Variants in CCDC146 observed in about 807,000 individuals in gnomAD.
CCDC146 encodes the protein coiled-coil domain containing 146.
Under a neutral mutation model 119.3 loss-of-function variants are expected in CCDC146, and 92 were observed. The observed-to-expected ratio is 0.77, with a 90% CI of 0.65 to 0.92. The LOEUF (loss-of-function observed/expected upper bound fraction) is 0.92. Among genes scored for constraint, CCDC146 ranks in the 40% least tolerant of loss-of-function variants. The pLI is 0.00. For synonymous variants in CCDC146, 372 were observed against 371.8 expected (o/e 1.00, Z -0.01); for missense variants, 1,000 against 1,103.0 (o/e 0.91, Z 1.32).
At chr7:77,278,712 A>G (rs201370365) in intron 11 of CCDC146, 40 bp from the exon 12 acceptor site, 31 of 1,369,182 alleles carry the variant, frequency 2.3e-5, no homozygotes, top group Non-Finnish European at 3.2e-5. Context: ...GGGAGTGTTC[A>G]TATGTTGTTA....
intron 1 of CCDC146, among the ~76,000 whole-genome samples, chr7:77,145,158 T>C (rs1790995476): frequency 6.6e-6 from 1 of 151,866 alleles, no homozygotes; most frequent in Admixed American, 6.6e-5. Context: ...AGGGTGTATG[T>C]GTCCAGGAAT....
intron 3 of CCDC146, among the ~76,000 whole-genome samples, chr7:77,238,639 A>T (rs1262177207): frequency 6.6e-6 from 1 of 152,118 alleles, no homozygotes; most frequent in Non-Finnish European, 1.5e-5. Flanking sequence ...GGATGGTCTC[A>T]ATCTCCTGAC....
At chr7:77,281,983 T>C (rs1793772262) in intron 14 of CCDC146, among the ~76,000 whole-genome samples, 1 of 152,232 alleles carries the variant, frequency 6.6e-6, no homozygotes, top group African/African-American at 2.4e-5. Flanking sequence ...AGAACATTCT[T>C]ACTTTGTTTC....
chr7:77,218,646 G>A (rs1792343215), intron 2 of CCDC146, among the ~76,000 whole-genome samples: 1 of 143,620 alleles, frequency 7.0e-6, no homozygotes, highest in African/African-American at 2.6e-5. Context: ...GTCTCACTCT[G>A]TCACCCAGGT....
intron 9 of CCDC146, among the ~76,000 whole-genome samples, chr7:77,269,022 C>A (rs1187397019): frequency 6.6e-6 from 1 of 152,266 alleles, no homozygotes; most frequent in South Asian, 2.1e-4. Context: ...AAGTATATGT[C>A]CTTCCAAAGT....
chr7:77,196,266 T>C lies in CCDC146; in HGVS notation c.156+28442T>C. 1.3e-6 allele frequency: 2 copies of C among 1,593,458 alleles called. No homozygotes were observed. The highest frequency in any genetic ancestry group is 1.7e-6 in the Non-Finnish European group (2 of 1,164,588). On this transcript the variant is annotated intron_variant, in intron 2 of 18. Transcript: ENST00000285871. This position sits in a 1 kb window ranked among gnomAD's most constrained non-coding sequence, Gnocchi z 4.2. ...ATTAGATAACGAATACCTGGAGGAA[T>C]GAACAGAGTGATTTATGGCTTAAAG...
At chr7:77,250,973 T>TTGTGTGTGTGTGTG (rs58026945) in intron 4 of CCDC146, among the ~76,000 whole-genome samples, 5 of 114,646 alleles carry the variant, frequency 4.4e-5, no homozygotes, top group Admixed American at 9.3e-5. Flanking sequence ...TCTCTGGTAT[T>TTGTGTGTGTGTGTG]TGTGTGTGTG....
chr7:77,260,347 T>C (rs1793269219), intron 8 of CCDC146, 111 bp downstream of exon 8: 1 of 742,100 alleles, frequency 1.3e-6, no homozygotes, highest in Admixed American at 3.3e-5. Flanking sequence ...TTAAAAATAA[T>C]TTTAAATCAA....
chr7:77,134,084 G>A (rs928611037), intron 1 of CCDC146, among the ~76,000 whole-genome samples: 1 of 152,088 alleles, frequency 6.6e-6, no homozygotes, highest in African/African-American at 2.4e-5. Flanking sequence ...TCTTTACTGG[G>A]GGATTTTGCA....
At chr7:77,152,858 G>T (rs948923259) in intron 1 of CCDC146, among the ~76,000 whole-genome samples, 1 of 152,184 alleles carries the variant, frequency 6.6e-6, no homozygotes, top group Non-Finnish European at 1.5e-5. Context: ...ACAAGGCACT[G>T]GTGGGAGGAA....
chr7:77,247,454 A>G (rs1451873031), intron 4 of CCDC146, among the ~76,000 whole-genome samples: 3 of 152,352 alleles, frequency 2.0e-5, no homozygotes, highest in African/African-American at 4.8e-5. Context: ...GTAAAATACC[A>G]CTAATGTATA....
At chr7:77,140,146 C>T (rs1393041965) in intron 1 of CCDC146, among the ~76,000 whole-genome samples, 4 of 151,810 alleles carry the variant, frequency 2.6e-5, no homozygotes, top group African/African-American at 9.7e-5. Flanking sequence ...CCGCCTGCCT[C>T]GGCCTCCCAA....
intron 2 of CCDC146, among the ~76,000 whole-genome samples, chr7:77,186,338 A>C (rs1453891951): frequency 6.6e-6 from 1 of 152,174 alleles, no homozygotes; most frequent in Admixed American, 6.6e-5. Flanking sequence ...ATCATTTGCA[A>C]CAACATGGAT....
chr7:77,260,071 AG>A lies in CCDC146; in HGVS notation c.822del (p.Val276LeufsTer8). 2.5e-6 allele frequency: 4 copies of A among 1,613,998 alleles called. No homozygotes were observed. Among genetic ancestry groups the A allele is most frequent in the Non-Finnish European group, 3.4e-6 (4 of 1,180,020 alleles). ...GTCAAAACGCTAAATGACTCCCTAAAGAAAGTTGAAAACAAGGTTAGTGCTA... is the reference window on the plus strand; with the variant it reads ...GTCAAAACGCTAAATGACTCCCTAAAAAAGTTGAAAACAAGGTTAGTGCTA... ...QEVKTLNDSL[K>X]KVENKVSAIV... is the part of the protein sequence containing the mutation. On this transcript the variant is annotated frameshift_variant, in exon 8 of 19. Coordinates refer to ENST00000285871, the MANE Select transcript of CCDC146 (RefSeq NM_020879.3). LOFTEE classifies it high-confidence loss of function.
intron 2 of CCDC146, among the ~76,000 whole-genome samples, chr7:77,187,806 A>G (rs1189020857): frequency 2.6e-5 from 4 of 152,204 alleles, no homozygotes; most frequent in African/African-American, 9.6e-5. Flanking sequence ...CTAAAATTAA[A>G]TAGATTAAAA....
intron 11 of CCDC146, among the ~76,000 whole-genome samples, chr7:77,278,148 A>C (rs1028539303): frequency 6.6e-6 from 1 of 152,082 alleles, no homozygotes; most frequent in Non-Finnish European, 1.5e-5. Context: ...ACTCACCAAA[A>C]CTTACTAGGA....
chr7:77,150,747 T>A (rs1584026798), intron 1 of CCDC146, among the ~76,000 whole-genome samples: 1 of 152,344 alleles, frequency 6.6e-6, no homozygotes, highest in East Asian at 1.9e-4. Context: ...CATGAAGACT[T>A]GTACTCAAAT....
rs2150554478 is a variant in CCDC146, at chr7:77,287,843, G to A, written c.2415+266G>A. 2.6e-5 allele frequency among the ~76,000 whole-genome samples: 4 copies of A among 152,304 alleles called. 1 individual carries two copies. The South Asian group carries it at 8.3e-4, about 32-fold the overall frequency. On this transcript the variant is annotated intron_variant, in intron 17 of 18. Transcript: ENST00000285871. Reference sequence around the variant, plus strand: ...CTTACCAAGGCAACTACCCAAATATGACAGTTATTATCTTTGTATTTCATG... The same window carrying A: ...CTTACCAAGGCAACTACCCAAATATAACAGTTATTATCTTTGTATTTCATG...
intron 1 of CCDC146, among the ~76,000 whole-genome samples, chr7:77,140,597 C>G (rs1790918765): frequency 6.6e-6 from 1 of 152,154 alleles, no homozygotes; most frequent in Non-Finnish European, 1.5e-5. Flanking sequence ...ATACTCATGA[C>G]CTAATTACCT....
Sources: gnomAD v4.1 joint callset for allele counts (sites outside exome capture counted in the v4.1 genomes callset) on GRCh38, gnomAD v4.1.1 for gene constraint, Gnocchi (gnomAD v3.1) non-coding constraint, MANE v1.5 for transcripts, NCBI Gene and HGNC (gene_info 2026-07-23, HGNC 2026-07-21) for gene names.